CPM: variants seen among roughly 807,000 people sequenced by gnomAD.
CPM encodes the protein renal carboxypeptidase.
CPM carries 35 observed loss-of-function variants against 46.4 expected under a neutral mutation model. The observed-to-expected ratio is 0.75, with a 90% CI of 0.58 to 1.00. The LOEUF is 1.00. CPM is among the 50% of genes least tolerant of loss of function. The pLI is 0.00. For synonymous variants in CPM, 195 were observed against 195.3 expected, an observed-to-expected ratio of 1.00 and a Z score of 0.01; for missense variants, 422 against 530.4, an observed-to-expected ratio of 0.80 and a Z score of 2.01.
At chr12:68,957,438 C>G (rs1889039906) in intron 1 of CPM, 2 of 268,860 alleles carry the variant, frequency 7.4e-6, no homozygotes, top group Admixed American at 3.9e-5. Context: ...CTTCTGAGCT[C>G]CCTGTCTTAA....
chr12:68,862,240 T>C (rs1338975484), intron 7 of CPM, among the ~76,000 whole-genome samples: 2 of 139,510 alleles, frequency 1.4e-5, no homozygotes, highest in East Asian at 3.9e-4. Flanking sequence ...AAAGATTCAC[T>C]TTCTTTTTTT....
At chr12:68,926,230 T>A (rs1050804042) in intron 2 of CPM, among the ~76,000 whole-genome samples, 1 of 152,196 alleles carries the variant, frequency 6.6e-6, no homozygotes, top group African/African-American at 2.4e-5. Context: ...GAAATTAATT[T>A]AAAAAAATAT....
At chr12:68,945,238 G>A (rs1038603578) in intron 1 of CPM, among the ~76,000 whole-genome samples, 4 of 152,132 alleles carry the variant, frequency 2.6e-5, no homozygotes, top group African/African-American at 9.7e-5. Context: ...GTTTTAGGGA[G>A]GGACTGTTAT....
downstream of CPM, chr12:68,850,008 G>T (rs991779148): frequency 1.3e-5 from 2 of 152,412 alleles, no homozygotes; most frequent in African/African-American, 4.8e-5. Flanking sequence ...CCTTGGCTGG[G>T]GGGTGATGGC....
At chr12:68,914,039 C>A in intron 2 of CPM, 1 of 701,050 alleles carries the variant, frequency 1.4e-6, no homozygotes, top group South Asian at 1.4e-5. Flanking sequence ...CCTCACTATT[C>A]CATTCCTCAG....
rs1295015279 is a variant in CPM, at chr12:68,874,195, C to T, written c.259-2239G>A. On this transcript the variant is annotated intron_variant, in intron 3 of 8. Coordinates refer to ENST00000551568, the MANE Select transcript of CPM (RefSeq NM_198320.5). ...GTCACTTGTACACCCCACTGGGTTC[C>T]AATTTTAAGATATAATAGGTTTTTG... Among the ~76,000 whole-genome samples, 5 of 152,246 alleles carry T rather than the reference C, an allele frequency of 3.3e-5. No individual in the cohort carries two copies. In the East Asian group the frequency reaches 7.7e-4, roughly 23 times the overall value.
intron 2 of CPM, among the ~76,000 whole-genome samples, chr12:68,921,169 C>CT (rs1244348251): frequency 1.3e-5 from 2 of 149,524 alleles, no homozygotes; most frequent in Non-Finnish European, 3.0e-5. Flanking sequence ...GAGTCTTGCT[C>CT]TGTCACCCAG....
chr12:68,856,703 A>G, intron 8 of CPM, 24 bp from the exon 9 acceptor site: 4 of 1,609,632 alleles, frequency 2.5e-6, no homozygotes, highest in Non-Finnish European at 3.4e-6. Context: ...AGAGACAATT[A>G]TATGAGTGAC....
chr12:68,924,557 T>C (rs997247933), intron 2 of CPM, among the ~76,000 whole-genome samples: 8 of 152,048 alleles, frequency 5.3e-5, no homozygotes, highest in African/African-American at 1.7e-4. Context: ...CTGATAAATG[T>C]CTCAGAAAGG....
chr12:68,886,383 A>G (rs2136253346), intron 2 of CPM, among the ~76,000 whole-genome samples: 1 of 152,140 alleles, frequency 6.6e-6, no homozygotes, highest in East Asian at 1.9e-4. Flanking sequence ...CTGTAATCCC[A>G]GCACTCTAGG....
chr12:68,842,769 T>C (rs961536902), intron 5 of CPM: 8 of 192,558 alleles, frequency 4.2e-5, no homozygotes, highest in Non-Finnish European at 7.6e-5. Context: ...ACCAACAGTT[T>C]GTATGAAAAT....
intron 1 of CPM, among the ~76,000 whole-genome samples, chr12:68,949,845 A>G (rs1592715046): frequency 6.6e-6 from 1 of 152,142 alleles, no homozygotes; most frequent in Non-Finnish European, 1.5e-5. Context: ...GGTTTCTCTC[A>G]TTTCATAATC....
At chr12:68,843,003 C>G (rs757815373) in intron 5 of CPM, 3 of 212,882 alleles carry the variant, frequency 1.4e-5, no homozygotes, top group Non-Finnish European at 1.9e-5. Flanking sequence ...TCTAACTTGT[C>G]ATTCCTGGTA....
At chr12:68,879,228 A>G (rs1886087134) in intron 3 of CPM, among the ~76,000 whole-genome samples, 1 of 152,220 alleles carries the variant, frequency 6.6e-6, no homozygotes, top group Non-Finnish European at 1.5e-5. Context: ...ATTATTTTAC[A>G]AGCATATTCA....
intron 1 of CPM, among the ~76,000 whole-genome samples, chr12:68,961,940 T>G (rs11177419): frequency 2.0e-5 from 3 of 151,616 alleles, no homozygotes; most frequent in Non-Finnish European, 4.4e-5. Context: ...GTGGCTCATG[T>G]CTGTAATCCC....
At chr12:68,926,455 G>A (rs76861675) in intron 2 of CPM, among the ~76,000 whole-genome samples, 5,867 of 152,004 alleles carry the variant, frequency 0.039, 369 homozygotes, top group African/African-American at 0.13. Context: ...ATACCTTCAG[G>A]TCAAATGTGC....
Position 68,901,841 on chromosome 12 carries a change from A to C in CPM, c.161-15952T>G, listed in dbSNP as rs180865622. On this transcript the variant is annotated intron_variant, in intron 2 of 8. Coordinates refer to ENST00000551568, the MANE Select transcript of CPM (RefSeq NM_198320.5). ...TTCAGTCTCTGGGTAGAACAGAGCA[A>C]GTAGCAGAAGTATTACAGGAGAAGA... 1.1e-4 allele frequency among the ~76,000 whole-genome samples: 16 copies of C among 152,232 alleles called. 1 individual carries two copies. In the East Asian group the frequency reaches 3.1e-3, roughly 29 times the overall value.
chr12:68,871,908 T>C lies in CPM; in HGVS notation c.307A>G (p.Ser103Gly). 6.2e-7 allele frequency: 1 copy of C among 1,614,158 alleles called. No homozygotes were observed. The change falls in exon 4 of 9, where the codon AGT (serine) becomes GGT (glycine). Residue 103 changes from serine (S) to glycine (G), a missense_variant. By Grantham distance (56) the Ser-to-Gly change is moderately conservative (BLOSUM62 0). Transcript: ENST00000551568. ...LLHLIDYLVT[S>G]DGKDPEITNL... ...GTGATTTCAGGGTCTTTGCCATCACTGGTTACGAGATAGTCAATCAGATGG... is the reference window on the plus strand; with the variant it reads ...GTGATTTCAGGGTCTTTGCCATCACCGGTTACGAGATAGTCAATCAGATGG...
Position 68,872,297 on chromosome 12 carries a change from G to T in CPM, c.259-341C>A, listed in dbSNP as rs561303427. Among the ~76,000 whole-genome samples the T allele has an allele frequency of 6.8e-4, 89 of 131,484 alleles. 1 individual carries two copies. The highest frequency in any genetic ancestry group is 2.5e-3 in the African/African-American group (86 of 34,558). 86.3% of individuals were successfully genotyped at this position (131,484 alleles called of 152,430 possible). A position where few individuals can be genotyped will look rare whatever the true frequency, so the allele number is the denominator to read the frequency against. ...GAGACAGTCTCAACTCCGTCACCCAGGCTGGAGTGCATTGGCGCGATCTTG... is the reference window on the plus strand; with the variant it reads ...GAGACAGTCTCAACTCCGTCACCCATGCTGGAGTGCATTGGCGCGATCTTG... On this transcript the variant is annotated intron_variant, in intron 3 of 8. Transcript: ENST00000551568.
Sources: allele counts gnomAD v4.1 joint callset (sites outside exome capture counted in the v4.1 genomes callset), GRCh38; gene constraint gnomAD v4.1.1; transcripts MANE v1.5; gene names NCBI Gene and HGNC (gene_info 2026-07-23, HGNC 2026-07-21).